Variants in NEDD9 observed in about 807,000 individuals in gnomAD.
NEDD9 encodes enhancer of filamentation 1.
NEDD9 carries 26 observed loss-of-function variants against 76.6 expected under a neutral mutation model. The ratio of observed to expected loss-of-function variants is 0.34; its 90% CI spans 0.25 to 0.47. The LOEUF is 0.47. Among genes scored for constraint, NEDD9 ranks in the 20% least tolerant of loss-of-function variants. The probability of loss-of-function intolerance (pLI) is 1.00; values close to 1 mark genes in which losing one functional copy is unlikely to be tolerated. For synonymous variants in NEDD9, 392 were observed against 414.2 expected, an observed-to-expected ratio of 0.95 and a Z score of 0.65; for missense variants, 937 against 1,058.5, an observed-to-expected ratio of 0.89 and a Z score of 1.59.
At chr6:11,313,628 A>G (rs1331559674) in intron 2 of NEDD9, among the ~76,000 whole-genome samples, 2 of 152,016 alleles carry the variant, frequency 1.3e-5, no homozygotes, top group Non-Finnish European at 2.9e-5. Context: ...GAGTGGATGG[A>G]TGGATGGGTG....
Position 11,190,543 on chromosome 6 carries a change from T to C in NEDD9, c.1326A>G (p.Glu442=), listed in dbSNP as rs753246576. The change falls in exon 5 of 7, where the codon GAA becomes GAG. Residue 442 remains glutamate (E), a synonymous_variant. Coordinates refer to ENST00000379446, the MANE Select transcript of NEDD9 (RefSeq NM_006403.4). The surrounding 1 kb of genome is among the most constrained non-coding windows in gnomAD (Gnocchi z 5.8). ...TTDWRCYGYM[E]RHINEIRTAV... ...CTGTGCGTATTTCATTGATGTGTCT[T>C]TCCATATATCCGTAACACCGCCAGT... 3 of 1,614,212 alleles carry C rather than the reference T, an allele frequency of 1.9e-6. No individual in the cohort carries two copies. Among genetic ancestry groups the C allele is most frequent in the Admixed American group, 3.3e-5 (2 of 60,028 alleles).
At chr6:11,240,207 T>C (rs958037453) in intron 3 of NEDD9, among the ~76,000 whole-genome samples, 1 of 152,070 alleles carries the variant, frequency 6.6e-6, no homozygotes, top group Non-Finnish European at 1.5e-5. Flanking sequence ...GGTGGGGCGC[T>C]AGGCAGCAGA....
intron 3 of NEDD9, among the ~76,000 whole-genome samples, chr6:11,278,543 T>G (rs1373421352): frequency 6.6e-6 from 1 of 152,218 alleles, no homozygotes. Context: ...ATGAGAAAGT[T>G]GCAGATTCGA....
chr6:11,273,418 A>T (rs879343946), intron 3 of NEDD9, among the ~76,000 whole-genome samples: 1 of 152,266 alleles, frequency 6.6e-6, no homozygotes, highest in Non-Finnish European at 1.5e-5. Flanking sequence ...TTTAGTTTCT[A>T]TAAAAACAAG....
In NEDD9 at chr6:11,232,637, C is replaced by T; in HGVS notation, c.-122G>A. 2 of 1,577,200 alleles carry T rather than the reference C, an allele frequency of 1.3e-6. No individual in the cohort carries two copies. The highest frequency in any genetic ancestry group is 1.7e-6 in the Non-Finnish European group (2 of 1,163,536). On this transcript the variant is annotated 5_prime_UTR_variant, in exon 1 of 7. Transcript: ENST00000379446. ...AGCGAGAAGGTCCCGGGCAGAGCCGCTTGTCAGTCGCAGCGCCTCCCTCAA... is the reference window on the plus strand; with the variant it reads ...AGCGAGAAGGTCCCGGGCAGAGCCGTTTGTCAGTCGCAGCGCCTCCCTCAA...
At chr6:11,298,862 G>A (rs781274876) in intron 3 of NEDD9, among the ~76,000 whole-genome samples, 7 of 152,122 alleles carry the variant, frequency 4.6e-5, no homozygotes, top group African/African-American at 1.2e-4. Context: ...CACAGTAAGC[G>A]GGCTATTGTC....
chr6:11,300,406 C>T (rs576351333), intron 3 of NEDD9, among the ~76,000 whole-genome samples: 3 of 152,122 alleles, frequency 2.0e-5, no homozygotes, highest in Non-Finnish European at 2.9e-5. Context: ...CTGAAAGTGA[C>T]GGGAAGAATG....
intron 3 of NEDD9, among the ~76,000 whole-genome samples, chr6:11,244,562 C>A (rs1561804559): frequency 6.6e-6 from 1 of 152,126 alleles, no homozygotes. Context: ...GGGAGAGTCC[C>A]AACCACCACT....
intron 1 of NEDD9, among the ~76,000 whole-genome samples, chr6:11,366,773 C>T (rs935987976): frequency 6.6e-6 from 1 of 152,204 alleles, no homozygotes; most frequent in Non-Finnish European, 1.5e-5. Context: ...CTAGCTGTGT[C>T]ATCTGATCAG....
At chr6:11,219,426 A>C (rs1031173377) in intron 1 of NEDD9, among the ~76,000 whole-genome samples, 2 of 152,138 alleles carry the variant, frequency 1.3e-5, no homozygotes, top group African/African-American at 2.4e-5. Context: ...ACTTCATTCT[A>C]TATTTGTCAT....
At chr6:11,312,709 TA>T (rs1561829071) in intron 2 of NEDD9, among the ~76,000 whole-genome samples, 25 of 147,850 alleles carry the variant, frequency 1.7e-4, no homozygotes, top group African/African-American at 4.4e-4. Context: ...TATATATATA[TA>T]TTTTTAAAGA....
chr6:11,188,551 CA>C (rs1191875477), intron 5 of NEDD9, among the ~76,000 whole-genome samples: 2 of 101,682 alleles, frequency 2.0e-5, no homozygotes, highest in Non-Finnish European at 2.0e-5. Context: ...TGATTCCCTT[CA>C]AATCTCATAT....
chr6:11,211,772 C>T (rs372751929), intron 2 of NEDD9, among the ~76,000 whole-genome samples: 38 of 152,188 alleles, frequency 2.5e-4, no homozygotes, highest in Admixed American at 6.5e-5. Flanking sequence ...TCATGCCACA[C>T]GCGTGCTCTT....
chr6:11,273,343 T>C (rs533975041), intron 3 of NEDD9, among the ~76,000 whole-genome samples: 3 of 152,366 alleles, frequency 2.0e-5, no homozygotes, highest in Non-Finnish European at 4.4e-5. Flanking sequence ...AGCACAGAGG[T>C]ATCAGTTACT....
chr6:11,259,382 G>T (rs1450653054), intron 3 of NEDD9, among the ~76,000 whole-genome samples: 1 of 152,196 alleles, frequency 6.6e-6, no homozygotes, highest in Non-Finnish European at 1.5e-5. Context: ...TGTAAATTAA[G>T]CATTGGATTG....
chr6:11,255,593 C>T (rs754906297), intron 3 of NEDD9, among the ~76,000 whole-genome samples: 33 of 151,972 alleles, frequency 2.2e-4, no homozygotes, highest in Admixed American at 1.7e-3. Context: ...CTTGGGGCAT[C>T]CAAGGAAATG....
intron 3 of NEDD9, among the ~76,000 whole-genome samples, chr6:11,301,891 T>C (rs1182541846): frequency 2.0e-5 from 3 of 152,176 alleles, no homozygotes; most frequent in Non-Finnish European, 4.4e-5. Flanking sequence ...TTTATAGCAC[T>C]AAATGCATAC....
intron 3 of NEDD9, among the ~76,000 whole-genome samples, chr6:11,268,523 T>A (rs1379511691): frequency 6.6e-6 from 1 of 151,498 alleles, no homozygotes; most frequent in East Asian, 1.9e-4. Context: ...AGGTCAGGAG[T>A]TTGAGACCAG....
chr6:11,328,150 C>T (rs1050775322), intron 2 of NEDD9, among the ~76,000 whole-genome samples: 35 of 152,192 alleles, frequency 2.3e-4, no homozygotes, highest in African/African-American at 7.5e-4. Flanking sequence ...GGCAGTGCCA[C>T]CCACCACGTG....
Sources: gnomAD v4.1 joint callset for allele counts (sites outside exome capture counted in the v4.1 genomes callset) on GRCh38, gnomAD v4.1.1 for gene constraint, Gnocchi (gnomAD v3.1) non-coding constraint, MANE v1.5 for transcripts, NCBI Gene and HGNC (gene_info 2026-07-23, HGNC 2026-07-21) for gene names.